Variants in PARD3B observed in about 807,000 individuals in gnomAD.
PARD3B encodes the protein par-3 family cell polarity regulator beta.
PARD3B carries 103 observed loss-of-function variants against 130.2 expected under a neutral mutation model. The observed-to-expected ratio is 0.79, with a 90% CI of 0.67 to 0.93. PARD3B has a LOEUF of 0.93. PARD3B is among the 40% of genes least tolerant of loss of function. The pLI, the probability that PARD3B is intolerant of heterozygous loss-of-function variation, is 0.00. For synonymous variants in PARD3B, 583 were observed against 553.2 expected (o/e 1.05, Z -0.76); for missense variants, 1,609 against 1,499.2 (o/e 1.07, Z -1.21).
intron 21 of PARD3B, among the ~76,000 whole-genome samples, chr2:205,521,810 C>CCAAATGATCTGGCTAG (rs1449883439): frequency 6.6e-6 from 1 of 151,984 alleles, no homozygotes; most frequent in Non-Finnish European, 1.5e-5. Context: ...ATTACCTTTG[C>CCAAATGATCTGGCTAG]CAAATGATCT....
chr2:204,857,073 A>G (rs544889018), intron 2 of PARD3B, among the ~76,000 whole-genome samples: 10 of 152,250 alleles, frequency 6.6e-5, no homozygotes, highest in African/African-American at 2.4e-4. Context: ...TAAATTTAAA[A>G]AAGAATCTCT....
intron 3 of PARD3B, among the ~76,000 whole-genome samples, chr2:204,985,075 C>CTACCA (rs983693968): frequency 1.3e-5 from 2 of 152,060 alleles, no homozygotes; most frequent in African/African-American, 4.8e-5. Context: ...ATATTGTAGG[C>CTACCA]TACCAGGTTA....
At chr2:204,950,090 A>G (rs758311199) in intron 2 of PARD3B, among the ~76,000 whole-genome samples, 1 of 152,194 alleles carries the variant, frequency 6.6e-6, no homozygotes, top group Non-Finnish European at 1.5e-5. Context: ...ATCTCATGTT[A>G]TACAACAACT....
At chr2:204,976,670 T>A (rs905830499) in intron 3 of PARD3B, among the ~76,000 whole-genome samples, 27 of 147,192 alleles carry the variant, frequency 1.8e-4, no homozygotes, top group African/African-American at 6.8e-4. Context: ...TGCAGTGGTG[T>A]GATCTCAGCT....
Position 205,209,923 on chromosome 2 carries a change from G to A in PARD3B, c.2140+16603G>A, listed in dbSNP as rs1023337288. On this transcript the variant is annotated intron_variant, in intron 15 of 22. Transcript: ENST00000406610. ...AAAGGATTACTGGATTGTTTGTAAC[G>A]CAAAGGATAAATGTTTAAGGGGATG... Among the ~76,000 whole-genome samples, 6 of 152,116 alleles carry A rather than the reference G, an allele frequency of 3.9e-5. No homozygotes were observed. In the South Asian group the frequency reaches 6.2e-4, roughly 16 times the overall value.
At position 204,678,191 on chromosome 2, in the gene PARD3B, G is replaced by C. The variant is rs1179350226; in HGVS notation, c.121-7990G>C. Among the ~76,000 whole-genome samples the C allele has an allele frequency of 1.3e-5, 2 of 152,168 alleles. No homozygotes were observed. Among genetic ancestry groups the C allele is most frequent in the Admixed American group, 6.5e-5 (1 of 15,268 alleles). On this transcript the variant is annotated intron_variant, in intron 1 of 22. Transcript: ENST00000406610. This position sits in a 1 kb window ranked among gnomAD's most constrained non-coding sequence, Gnocchi z 4.2. ...TGTGGGAGGGGGAGCACGCAGGTGA[G>C]CAGGTGCAGGACCTGGGGCAAGTGC...
rs1553681141 is a variant in PARD3B, at chr2:205,344,194, T to TTGTGTGTGTG, written c.2630+42517_2630+42526dup. 5.1e-3 allele frequency among the ~76,000 whole-genome samples: 713 copies of TTGTGTGTGTG among 141,018 alleles called. 1 individual carries two copies. The highest frequency in any genetic ancestry group is 0.024 in the Middle Eastern group (7 of 286). The allele number at this position is 141,018 out of a possible 152,430, so 92.5% of individuals were successfully genotyped here. On this transcript the variant is annotated intron_variant, in intron 18 of 22. Coordinates refer to ENST00000406610, the MANE Select transcript of PARD3B (RefSeq NM_001302769.2). ...GAAGGTGGGAAATGTGTCAGTTGGT[T>TTGTGTGTGTG]TGTGTGTGTGTGTGTGTGTGTGTGT...
chr2:204,562,917 CA>C (rs1457109559), intron 1 of PARD3B, among the ~76,000 whole-genome samples: 1 of 151,996 alleles, frequency 6.6e-6, no homozygotes, highest in Non-Finnish European at 1.5e-5. Flanking sequence ...GAGGAAGGGC[CA>C]CTTGGGAAAT....
intron 3 of PARD3B, among the ~76,000 whole-genome samples, chr2:204,979,789 GA>G (rs1247757805): frequency 6.6e-6 from 1 of 151,980 alleles, no homozygotes; most frequent in Non-Finnish European, 1.5e-5. Context: ...TATCTATATA[GA>G]AAAAAATTTA....
At chr2:204,790,629 A>G (rs892720656) in intron 2 of PARD3B, among the ~76,000 whole-genome samples, 2 of 152,200 alleles carry the variant, frequency 1.3e-5, no homozygotes, top group Non-Finnish European at 2.9e-5. Context: ...CCAATTTAGT[A>G]GACCCGTATG....
chr2:205,246,251 T>A (rs868644756), intron 16 of PARD3B, among the ~76,000 whole-genome samples: 139 of 130,452 alleles, frequency 1.1e-3, no homozygotes, highest in Non-Finnish European at 2.0e-3. Flanking sequence ...TTTTTTTTTT[T>A]CTGCCTGTCA....
chr2:205,406,516 G>A (rs1014383887), intron 19 of PARD3B, among the ~76,000 whole-genome samples: 1 of 151,912 alleles, frequency 6.6e-6, no homozygotes, highest in Non-Finnish European at 1.5e-5. Context: ...ATAAATTTCA[G>A]TCACTGATCT....
intron 18 of PARD3B, among the ~76,000 whole-genome samples, chr2:205,344,842 G>A (rs2043692008): frequency 6.6e-6 from 1 of 152,188 alleles, no homozygotes; most frequent in African/African-American, 2.4e-5. Flanking sequence ...CAGGCATAAA[G>A]AAAATGTTCT....
chr2:205,581,277 T>TAGATATAGATAGATAG (rs1184893536), intron 22 of PARD3B, among the ~76,000 whole-genome samples: 5 of 67,864 alleles, frequency 7.4e-5, no homozygotes, highest in African/African-American at 2.1e-4. Context: ...GATAGATAGA[T>TAGATATAGATAGATAG]ATAGATATAT....
intron 2 of PARD3B, among the ~76,000 whole-genome samples, chr2:204,925,245 C>T (rs1687508324): frequency 6.6e-6 from 1 of 152,016 alleles, no homozygotes; most frequent in African/African-American, 2.4e-5. Flanking sequence ...GCCTTGGCAG[C>T]TAGATAGCTT....
intron 2 of PARD3B, among the ~76,000 whole-genome samples, chr2:204,741,526 A>T (rs1343384084): frequency 6.6e-6 from 1 of 152,100 alleles, no homozygotes; most frequent in Non-Finnish European, 1.5e-5. Context: ...TTAGATTTAT[A>T]GTGTTGTGTT....
chr2:204,545,715 G>A lies in PARD3B; in HGVS notation c.-285G>A, dbSNP rs566562257. ...CTGGGCCGGGCAGGAGTAGGAGCGG[G>A]AGGAGGAGGAGGAGGAGCCGGTGCC... On this transcript the variant is annotated 5_prime_UTR_variant, in exon 1 of 23. Coordinates refer to ENST00000406610, the MANE Select transcript of PARD3B (RefSeq NM_001302769.2). The A allele has an allele frequency of 1.8e-3, 250 of 139,440 alleles. 1 individual carries two copies. Among genetic ancestry groups the A allele is most frequent in the Admixed American group, 2.4e-3 (11 of 4,580 alleles). 8.6% of individuals were successfully genotyped at this position (139,440 alleles called of 1,614,324 possible). A position where few individuals can be genotyped will look rare whatever the true frequency, so the allele number is the denominator to read the frequency against.
Position 204,606,049 on chromosome 2 carries a change from A to G in PARD3B, c.120+59930A>G, listed in dbSNP as rs1343699597. ...TCTCCATTGGGACATGATATTACCA[A>G]GAAGTGCTTTAGAGGGTTTTCAGTA... On this transcript the variant is annotated intron_variant, in intron 1 of 22. Coordinates refer to ENST00000406610, the MANE Select transcript of PARD3B (RefSeq NM_001302769.2). The surrounding 1 kb of genome is among the most constrained non-coding windows in gnomAD (Gnocchi z 4.0). Among the ~76,000 whole-genome samples the G allele has an allele frequency of 1.3e-5, 2 of 152,142 alleles. No individual in the cohort carries two copies. The highest frequency in any genetic ancestry group is 2.9e-5 in the Non-Finnish European group (2 of 68,042).
At chr2:204,957,904 A>T (rs1690404491) in intron 2 of PARD3B, among the ~76,000 whole-genome samples, 1 of 152,146 alleles carries the variant, frequency 6.6e-6, no homozygotes, top group South Asian at 2.1e-4. Context: ...TTTATAGGAT[A>T]CTGGGTTTTT....
Sources: gnomAD v4.1 joint callset for allele counts (sites outside exome capture counted in the v4.1 genomes callset) on GRCh38, gnomAD v4.1.1 for gene constraint, Gnocchi (gnomAD v3.1) non-coding constraint, MANE v1.5 for transcripts, NCBI Gene and HGNC (gene_info 2026-07-23, HGNC 2026-07-21) for gene names.